The following AKIRIN1 variants were observed in gnomAD, a reference collection of about 807,000 sequenced individuals.
AKIRIN1 encodes akirin-1.
Under a neutral mutation model 25.9 loss-of-function variants are expected in AKIRIN1, and 4 were observed. The ratio of observed to expected loss-of-function variants is 0.15; its 90% CI spans 0.08 to 0.35. AKIRIN1 has a LOEUF of 0.35. Ranked by LOEUF, AKIRIN1 falls within the 10% of genes least tolerant of loss-of-function variation. The probability of loss-of-function intolerance (pLI) is 1.00; values close to 1 mark genes in which losing one functional copy is unlikely to be tolerated. For missense variants in AKIRIN1, 243 were observed against 266.1 expected, an observed-to-expected ratio of 0.91 and a Z score of 0.61; for synonymous variants, 125 against 105.1, an observed-to-expected ratio of 1.19 and a Z score of -1.16.
At chr1:38,999,576 G>C (rs1342468838) in intron 2 of AKIRIN1, among the ~76,000 whole-genome samples, 2 of 152,212 alleles carry the variant, frequency 1.3e-5, no homozygotes, top group Non-Finnish European at 2.9e-5. Context: ...AAACCTGTCA[G>C]TGGTTACAAC....
At position 39,004,463 on chromosome 1, in the gene AKIRIN1, T is replaced by C; in HGVS notation, c.*408T>C. 1 of 290,874 alleles carries C rather than the reference T, an allele frequency of 3.4e-6. No individual in the cohort carries two copies. Among genetic ancestry groups the C allele is most frequent in the South Asian group, 3.3e-5 (1 of 30,368 alleles). 18.0% of individuals were successfully genotyped at this position (290,874 alleles called of 1,614,324 possible). ...ATTGTGCAAAAATTTTTTTTTGATCTTGGGGATTCTGGCTGTGAATTTGGT... is the reference window on the plus strand; with the variant it reads ...ATTGTGCAAAAATTTTTTTTTGATCCTGGGGATTCTGGCTGTGAATTTGGT... On this transcript the variant is annotated 3_prime_UTR_variant, in exon 5 of 5. Transcript: ENST00000432648.
At position 38,991,565 on chromosome 1, in the gene AKIRIN1, C is replaced by A; in HGVS notation, c.185C>A (p.Ala62Asp). 1.5e-6 allele frequency: 2 copies of A among 1,373,822 alleles called. No individual in the cohort carries two copies. Among genetic ancestry groups the A allele is most frequent in the South Asian group, 1.7e-5 (1 of 59,652 alleles). 85.1% of individuals were successfully genotyped at this position (1,373,822 alleles called of 1,614,324 possible). The change falls in exon 1 of 5, where the codon GCC becomes GAC. Residue 62 changes from alanine (A) to aspartate (D), a missense_variant. Ala to Asp is a moderately radical substitution (Grantham distance 126). Around this residue, in one of 3 missense-constraint regions of AKIRIN1, gnomAD observed 190 missense variants for 174.4 expected, o/e 1.09. Coordinates refer to ENST00000432648, the MANE Select transcript of AKIRIN1 (RefSeq NM_024595.3). ...CCACCGCAGAGTCTGCAGCAGCCCG[C>A]CCCGCCCGGCAGCGAGCGGCGCCTT... ...QTPPQSLQQP[A>D]PPGSERRLPT...
In AKIRIN1 at chr1:38,999,221, A is replaced by G. The variant is rs114997527; in HGVS notation, c.361+910A>G. On this transcript the variant is annotated intron_variant, in intron 2 of 4. Transcript: ENST00000432648. ...GTAGAAGAGTCTTATTTCCTCACAA[A>G]GTATTCTACTTAACAGTTCTAAAGG... Among the ~76,000 whole-genome samples, 334 of 152,338 alleles carry G rather than the reference A, an allele frequency of 2.2e-3. 3 individuals carry two copies. Among genetic ancestry groups the G allele is most frequent in the African/African-American group, 7.9e-3 (328 of 41,574 alleles).
At chr1:38,994,759 G>A (rs1359827575) in intron 1 of AKIRIN1, among the ~76,000 whole-genome samples, 4 of 138,002 alleles carry the variant, frequency 2.9e-5, no homozygotes, top group Non-Finnish European at 4.5e-5. Flanking sequence ...GCATGATCTC[G>A]GCTCACTGCA....
intron 3 of AKIRIN1, among the ~76,000 whole-genome samples, chr1:39,002,100 C>G (rs1275685467): frequency 6.6e-6 from 1 of 152,156 alleles, no homozygotes; most frequent in Non-Finnish European, 1.5e-5. Flanking sequence ...AACCACAGTA[C>G]TCTATGTCAA....
At chr1:38,996,536 AT>A (rs34122150) in intron 1 of AKIRIN1, among the ~76,000 whole-genome samples, 7 of 144,734 alleles carry the variant, frequency 4.8e-5, no homozygotes, top group Admixed American at 6.9e-5. Flanking sequence ...TTGTTTTTCT[AT>A]TTTTTTTTTG....
At chr1:38,998,854 A>T (rs1643967615) in intron 2 of AKIRIN1, among the ~76,000 whole-genome samples, 1 of 151,764 alleles carries the variant, frequency 6.6e-6, no homozygotes, top group Admixed American at 6.6e-5. Flanking sequence ...AGCCTGGGTG[A>T]CAGAGTGAGT....
At position 39,003,384 on chromosome 1, in the gene AKIRIN1, G is replaced by T; in HGVS notation, c.534G>T (p.Gln178His). The change falls in exon 4 of 5, where the codon CAG becomes CAT. Residue 178 changes from glutamine (Q) to histidine (H), a missense_variant. By Grantham distance (24) the Gln-to-His change is conservative (BLOSUM62 0). Coordinates refer to ENST00000432648, the MANE Select transcript of AKIRIN1 (RefSeq NM_024595.3). Reference sequence around the variant, plus strand: ...CTTTTGTGAAATTCACACATGATCAGATTATGCGACGGTATGGGACAAGGC... The same window carrying T: ...CTTTTGTGAAATTCACACATGATCATATTATGCGACGGTATGGGACAAGGC... ...YESFVKFTHD[Q>H]IMRRYGTRPT... 2 of 1,613,812 alleles carry T rather than the reference G, an allele frequency of 1.2e-6. No individual in the cohort carries two copies. The highest frequency in any genetic ancestry group is 8.5e-7 in the Non-Finnish European group (1 of 1,179,970).
At chr1:38,991,669 A>C (rs1407479289) in intron 1 of AKIRIN1, 69 bp downstream of exon 1, 5 of 91,052 alleles carry the variant, frequency 5.5e-5, no homozygotes, top group Non-Finnish European at 8.1e-5. Flanking sequence ...GTGGTGGGGG[A>C]GGGTTGGGAA....
At chr1:38,997,633 C>T (rs1643957074) in intron 1 of AKIRIN1, among the ~76,000 whole-genome samples, 1 of 152,048 alleles carries the variant, frequency 6.6e-6, no homozygotes, top group African/African-American at 2.4e-5. Context: ...GCTGGGATTA[C>T]ACCCAGCTTT....
rs760457891 is a variant in AKIRIN1, at chr1:38,991,326, C to T, written c.-55C>T. 483 of 1,310,556 alleles carry T rather than the reference C, an allele frequency of 3.7e-4. 1 individual carries two copies. The highest frequency in any genetic ancestry group is 4.1e-4 in the Non-Finnish European group (422 of 1,028,220). The allele number at this position is 1,310,556 out of a possible 1,614,324, so 81.2% of individuals were successfully genotyped here. ...TGGCTGGCGAGCCCGGCTGAGGAGC[C>T]TCTTGGGCCGCACTTACCGCCGCGT... On this transcript the variant is annotated 5_prime_UTR_variant, in exon 1 of 5. Transcript: ENST00000432648.
At chr1:39,003,024 G>T (rs1226374497) in intron 3 of AKIRIN1, among the ~76,000 whole-genome samples, 2 of 152,198 alleles carry the variant, frequency 1.3e-5, no homozygotes, top group Non-Finnish European at 2.9e-5. Flanking sequence ...TGTCCCATGG[G>T]AGATGGGCTG....
chr1:38,992,187 A>G (rs4660652), intron 1 of AKIRIN1, among the ~76,000 whole-genome samples: 71,668 of 151,572 alleles, frequency 0.47, 17,539 homozygotes, highest in Middle Eastern at 0.63. Flanking sequence ...ATTGCCTCGT[A>G]CCATATATGG....
chr1:38,997,158 T>C (rs1292606544), intron 1 of AKIRIN1, among the ~76,000 whole-genome samples: 1 of 151,696 alleles, frequency 6.6e-6, no homozygotes, highest in East Asian at 1.9e-4. Flanking sequence ...ATAATTTGAG[T>C]TGTTTGAGAT....
chr1:38,997,684 C>T lies in AKIRIN1; in HGVS notation c.221-487C>T, dbSNP rs1643957454. On this transcript the variant is annotated intron_variant, in intron 1 of 4. Coordinates refer to ENST00000432648, the MANE Select transcript of AKIRIN1 (RefSeq NM_024595.3). Reference sequence around the variant, plus strand: ...AGCTCCAAAGATGCTTTTTTAAAGTCCCATATGGGACAAGAGCTTCCTTGT... The same window carrying T: ...AGCTCCAAAGATGCTTTTTTAAAGTTCCATATGGGACAAGAGCTTCCTTGT... 2.0e-5 allele frequency among the ~76,000 whole-genome samples: 3 copies of T among 152,058 alleles called. No homozygotes were observed. In the South Asian group the frequency reaches 6.2e-4, roughly 32 times the overall value.
At chr1:38,993,419 A>T (rs1318812144) in intron 1 of AKIRIN1, among the ~76,000 whole-genome samples, 1 of 151,946 alleles carries the variant, frequency 6.6e-6, no homozygotes, top group Admixed American at 6.6e-5. Flanking sequence ...AGATCGCGCC[A>T]CTGCACTCCA....
chr1:38,998,337 T>A (rs531916342), intron 2 of AKIRIN1, 26 bp downstream of exon 2: 4 of 1,583,448 alleles, frequency 2.5e-6, no homozygotes, highest in African/African-American at 1.4e-5. Context: ...TCTGCAAAAT[T>A]CGCATTAAGA....
intron 4 of AKIRIN1, 88 bp from the exon 5 acceptor site, chr1:39,003,957 C>A: frequency 1.7e-6 from 2 of 1,164,318 alleles, no homozygotes; most frequent in Non-Finnish European, 2.5e-6. Context: ...TGCTATTTCT[C>A]ACATTTACTG....
intron 1 of AKIRIN1, among the ~76,000 whole-genome samples, chr1:38,996,782 G>C (rs1643951399): frequency 6.6e-6 from 1 of 152,092 alleles, no homozygotes; most frequent in South Asian, 2.1e-4. Flanking sequence ...GCCTGCCTCA[G>C]CCTCCCAAAG....
Sources: allele counts gnomAD v4.1 joint callset (sites outside exome capture counted in the v4.1 genomes callset), GRCh38; gene constraint gnomAD v4.1.1; regional missense constraint gnomAD v4.1.1; transcripts MANE v1.5; gene names NCBI Gene and HGNC (gene_info 2026-07-23, HGNC 2026-07-21).